Variants in TAF4B observed in about 807,000 individuals in gnomAD.
TAF4B encodes the protein transcription initiation factor TFIID subunit 4B.
A neutral mutation model predicts 86.4 loss-of-function variants in TAF4B; 38 were observed. The observed-to-expected ratio is 0.44, with a 90% CI of 0.34 to 0.58. TAF4B has a LOEUF of 0.58. Among genes scored for constraint, TAF4B ranks in the 20% least tolerant of loss-of-function variants. TAF4B has a pLI of 0.02. For synonymous variants in TAF4B, 388 were observed against 391.2 expected (o/e 0.99, Z 0.10); for missense variants, 988 against 1,027.6 (o/e 0.96, Z 0.53).
In TAF4B at chr18:26,320,935, C is replaced by T. The variant is rs1394791857; in HGVS notation, c.2003-135C>T. On this transcript the variant is annotated intron_variant, in intron 10 of 14. Coordinates refer to ENST00000269142, the MANE Select transcript of TAF4B (RefSeq NM_005640.3). ...TAAGATCTTTGAAGTTGTGACTTTA[C>T]TAGGAAAATCATAATCTCCAAACCT... is the stretch of plus-strand genomic sequence containing the variant. The T allele has an allele frequency of 3.8e-6, 4 of 1,061,548 alleles. No homozygotes were observed. In the African/African-American group the frequency reaches 6.4e-5, roughly 17 times the overall value. 65.8% of individuals were successfully genotyped at this position (1,061,548 alleles called of 1,614,324 possible). A position where few individuals can be genotyped will look rare whatever the true frequency, so the allele number is the denominator to read the frequency against.
chr18:26,227,364 C>A, intron 1 of TAF4B, 88 bp downstream of exon 1: 1 of 1,184,788 alleles, frequency 8.4e-7, no homozygotes, highest in Non-Finnish European at 1.2e-6. Context: ...CCTAAAAAAA[C>A]TGAGCCACGG....
At position 26,389,954 on chromosome 18, in the gene TAF4B, TG is replaced by T; in HGVS notation, c.2533del (p.Glu845AsnfsTer6). ...TGCCTCAGGGACTTGATATTTTGTA[TG>T]GAACAGGAACGGGAGATGAAGTATT... ...RICLRDLIFC[M>X]EQEREMKYSR... On this transcript the variant is annotated frameshift_variant, in exon 15 of 15. Transcript: ENST00000269142. LOFTEE classifies it high-confidence loss of function. 6.2e-7 allele frequency: 1 copy of T among 1,614,174 alleles called. No homozygotes were observed.
At chr18:26,296,625 C>G (rs2056666183) in intron 9 of TAF4B, among the ~76,000 whole-genome samples, 1 of 151,986 alleles carries the variant, frequency 6.6e-6, no homozygotes, top group Non-Finnish European at 1.5e-5. Context: ...TTTAATGACT[C>G]TTGACAAAAA....
intron 7 of TAF4B, among the ~76,000 whole-genome samples, chr18:26,288,305 A>T (rs1366145813): frequency 2.0e-5 from 3 of 152,202 alleles, no homozygotes; most frequent in Non-Finnish European, 4.4e-5. Flanking sequence ...TAGGGAGAAA[A>T]CTAAGAATCC....
At chr18:26,250,828 AT>A (rs1363373967) in intron 1 of TAF4B, among the ~76,000 whole-genome samples, 1 of 152,254 alleles carries the variant, frequency 6.6e-6, no homozygotes, top group African/African-American at 2.4e-5. Context: ...TCCTTAAAAA[AT>A]GAAATTTAAT....
chr18:26,315,340 A>G lies in TAF4B; in HGVS notation c.1944A>G (p.Ser648=), dbSNP rs1396288598. ...AATTGGTTGGCACACTCATTCAGTC[A>G]TGTAAAGATGAACCATTTCTTTTTA... The part of the protein sequence containing the change: ...NSELVGTLIQ[S]CKDEPFLFIG... Residue 648 remains serine, a synonymous_variant, in exon 10 of 15, where the codon TCA becomes TCG. Transcript: ENST00000269142. 3 of 1,613,730 alleles carry G rather than the reference A, an allele frequency of 1.9e-6. No individual in the cohort carries two copies. The highest frequency in any genetic ancestry group is 1.7e-5 in the Admixed American group (1 of 60,014).
intron 14 of TAF4B, among the ~76,000 whole-genome samples, chr18:26,378,292 C>T (rs1247613297): frequency 6.6e-6 from 1 of 152,126 alleles, no homozygotes; most frequent in Non-Finnish European, 1.5e-5. Flanking sequence ...ATTTCTCAAG[C>T]ATTTCAGTAA....
Position 26,321,064 on chromosome 18 carries a change from C to T in TAF4B, c.2003-6C>T. ...AACACGTAATGGATTTTCTCTGCTT[C>T]TGCAGGTAAAAAGCATGACATTACA... On this transcript the variant is annotated splice_polypyrimidine_tract_variant and splice_region_variant and intron_variant, in intron 10 of 14. Transcript: ENST00000269142. 1 of 1,613,514 alleles carries T rather than the reference C, an allele frequency of 6.2e-7. No individual in the cohort carries two copies. Among genetic ancestry groups the T allele is most frequent in the Non-Finnish European group, 8.5e-7 (1 of 1,179,616 alleles).
At chr18:26,358,669 C>A (rs1263630043) in intron 14 of TAF4B, among the ~76,000 whole-genome samples, 2 of 152,136 alleles carry the variant, frequency 1.3e-5, no homozygotes, top group Non-Finnish European at 2.9e-5. Context: ...AAGATCGCGC[C>A]ACTGCACTCC....
intron 10 of TAF4B, among the ~76,000 whole-genome samples, chr18:26,320,191 T>G (rs547943563): frequency 6.6e-6 from 1 of 152,354 alleles, no homozygotes; most frequent in East Asian, 1.9e-4. Context: ...TTTTAAAAAT[T>G]CATGTGTATA....
At chr18:26,316,846 TA>T (rs2056916820) in intron 10 of TAF4B, among the ~76,000 whole-genome samples, 3 of 152,186 alleles carry the variant, frequency 2.0e-5, no homozygotes, top group Admixed American at 2.0e-4. Context: ...CTTTTTTGCA[TA>T]TGTATTTTGT....
chr18:26,278,906 T>G (rs2056413834), intron 5 of TAF4B, among the ~76,000 whole-genome samples: 1 of 152,032 alleles, frequency 6.6e-6, no homozygotes, highest in Admixed American at 6.6e-5. Context: ...AAAATAGTCT[T>G]GCAGATCCAT....
At chr18:26,330,258 T>G (rs944578619) in intron 12 of TAF4B, among the ~76,000 whole-genome samples, 12 of 152,220 alleles carry the variant, frequency 7.9e-5, no homozygotes, top group African/African-American at 2.7e-4. Context: ...TATGGGCTAA[T>G]GATTTCTCTT....
At chr18:26,260,950 C>T (rs895635927) in intron 1 of TAF4B, among the ~76,000 whole-genome samples, 1 of 152,130 alleles carries the variant, frequency 6.6e-6, no homozygotes, top group Non-Finnish European at 1.5e-5. Context: ...GCTTTTCCCT[C>T]TGTGTTTATG....
At chr18:26,331,341 T>C (rs1342388042) in intron 12 of TAF4B, among the ~76,000 whole-genome samples, 1 of 152,226 alleles carries the variant, frequency 6.6e-6, no homozygotes, top group African/African-American at 2.4e-5. Context: ...GGCTTTTCCT[T>C]CTTTACCAGA....
chr18:26,360,817 C>G (rs2057323235), intron 14 of TAF4B, among the ~76,000 whole-genome samples: 1 of 152,198 alleles, frequency 6.6e-6, no homozygotes, highest in East Asian at 1.9e-4. Flanking sequence ...TCTGTACACT[C>G]TGAACCAGTG....
intron 1 of TAF4B, among the ~76,000 whole-genome samples, chr18:26,232,220 C>T (rs1378974183): frequency 1.3e-5 from 2 of 152,050 alleles, no homozygotes; most frequent in Non-Finnish European, 2.9e-5. Context: ...CTCTCAATCT[C>T]CCCCCACCCC....
chr18:26,258,840 C>T (rs896653267), intron 1 of TAF4B, among the ~76,000 whole-genome samples: 13 of 151,544 alleles, frequency 8.6e-5, no homozygotes, highest in African/African-American at 2.4e-4. Flanking sequence ...TACAGGTGTG[C>T]GCCACCACAC....
intron 5 of TAF4B, among the ~76,000 whole-genome samples, chr18:26,281,716 A>T (rs1478288): frequency 6.6e-6 from 1 of 151,908 alleles, no homozygotes; most frequent in South Asian, 2.1e-4. Context: ...GTATTACTTA[A>T]CCCATCAGCT....
Sources: gnomAD v4.1 joint callset for allele counts (sites outside exome capture counted in the v4.1 genomes callset) on GRCh38, gnomAD v4.1.1 for gene constraint, MANE v1.5 for transcripts, NCBI Gene and HGNC (gene_info 2026-07-23, HGNC 2026-07-21) for gene names.